Variants in SGCD observed in about 807,000 individuals in gnomAD.
The protein encoded by SGCD is sarcoglycan delta.
A neutral mutation model predicts 36.6 loss-of-function variants in SGCD; 18 were observed. The observed-to-expected ratio is 0.49, with a 90% CI of 0.34 to 0.73. SGCD has a LOEUF of 0.73. Ranked by LOEUF, SGCD falls within the 30% of genes least tolerant of loss-of-function variation. The pLI is 0.01. For missense variants in SGCD, 387 were observed against 346.7 expected, an observed-to-expected ratio of 1.12 and a Z score of -0.92; for synonymous variants, 133 against 130.6, an observed-to-expected ratio of 1.02 and a Z score of -0.12.
intron 1 of SGCD, among the ~76,000 whole-genome samples, chr5:156,032,501 A>G (rs537489822): frequency 6.6e-6 from 1 of 151,592 alleles, no homozygotes; most frequent in Non-Finnish European, 1.5e-5. Flanking sequence ...GGCAGATCAC[A>G]AGGTCAGGAG....
intron 3 of SGCD, among the ~76,000 whole-genome samples, chr5:156,294,062 C>T (rs1380156397): frequency 6.6e-6 from 1 of 152,034 alleles, no homozygotes; most frequent in Non-Finnish European, 1.5e-5. Context: ...TTGGTTAAAT[C>T]ATTTTGAAGT....
chr5:156,379,156 C>T lies in SGCD; in HGVS notation c.192+34479C>T, dbSNP rs552720945. Among the ~76,000 whole-genome samples the T allele has an allele frequency of 7.2e-5, 11 of 152,234 alleles. No individual in the cohort carries two copies. The South Asian group carries it at 2.1e-3, about 29-fold the overall frequency. ...AAAATAAAAAATATCTGCCATAAAG[C>T]TTGCATTCTAATGTGGAATCTGACA... On this transcript the variant is annotated intron_variant, in intron 3 of 8. Transcript: ENST00000337851.
the SGCD span, among the ~76,000 whole-genome samples, chr5:155,745,376 C>T: frequency 4.6e-5 from 7 of 152,070 alleles, no homozygotes; most frequent in African/African-American, 1.7e-4. Flanking sequence ...AAGCAGGTAG[C>T]TAATCAAATG....
chr5:156,198,709 G>A (rs936099446), intron 3 of SGCD, among the ~76,000 whole-genome samples: 2 of 152,114 alleles, frequency 1.3e-5, no homozygotes, highest in Admixed American at 6.6e-5. Context: ...GATATGGACA[G>A]TGCCAGGAAA....
chr5:156,684,489 A>G (rs1356403199), intron 7 of SGCD, among the ~76,000 whole-genome samples: 1 of 152,194 alleles, frequency 6.6e-6, no homozygotes, highest in East Asian at 1.9e-4. Flanking sequence ...TGGCCTTTGA[A>G]CAGTCCTCTG....
chr5:155,781,231 T>A, the SGCD span, among the ~76,000 whole-genome samples: 1 of 152,168 alleles, frequency 6.6e-6, no homozygotes, highest in Non-Finnish European at 1.5e-5. Flanking sequence ...TGCTATGTTT[T>A]TGTTGAAGAT....
chr5:155,730,475 G>GTGTGTGTGTGTGTGTGTGTGTGTGTGT, the SGCD span, among the ~76,000 whole-genome samples: 3 of 151,202 alleles, frequency 2.0e-5, no homozygotes, highest in South Asian at 2.1e-4. Flanking sequence ...GTGTGTGTGT[G>GTGTGTGTGTGTGTGTGTGTGTGTGTGT]GCGAGGGGAA....
chr5:156,139,011 A>G (rs903034665), intron 3 of SGCD, among the ~76,000 whole-genome samples: 2 of 152,124 alleles, frequency 1.3e-5, no homozygotes, highest in Non-Finnish European at 2.9e-5. Flanking sequence ...CTTTTGCCCA[A>G]TTTTTATTGG....
chr5:155,979,325 T>C (rs1378105021), intron 1 of SGCD, among the ~76,000 whole-genome samples: 1 of 152,196 alleles, frequency 6.6e-6, no homozygotes, highest in Non-Finnish European at 1.5e-5. Context: ...GGGAACACAG[T>C]GCCTGGCACA....
intron 4 of SGCD, among the ~76,000 whole-genome samples, chr5:156,578,675 C>A (rs1302847994): frequency 6.6e-6 from 1 of 152,200 alleles, no homozygotes; most frequent in Non-Finnish European, 1.5e-5. Context: ...TTATCCACTT[C>A]TTCTAGATTT....
intron 3 of SGCD, among the ~76,000 whole-genome samples, chr5:156,129,816 G>C (rs1762267803): frequency 6.6e-6 from 1 of 152,144 alleles, no homozygotes; most frequent in African/African-American, 2.4e-5. Flanking sequence ...CATTAAACAT[G>C]ATGTTGTTCT....
intron 3 of SGCD, among the ~76,000 whole-genome samples, chr5:156,197,554 G>T (rs1455660600): frequency 6.7e-6 from 1 of 148,400 alleles, no homozygotes; most frequent in East Asian, 2.1e-4. Flanking sequence ...AAGTAAAAGT[G>T]ATTAATAACA....
chr5:155,822,400 G>T, the SGCD span, among the ~76,000 whole-genome samples: 2 of 152,154 alleles, frequency 1.3e-5, no homozygotes, highest in Non-Finnish European at 2.9e-5. Context: ...CTGGATGCAG[G>T]CTGCTCACCT....
At chr5:155,987,968 C>T (rs1758363003) in intron 1 of SGCD, among the ~76,000 whole-genome samples, 1 of 152,152 alleles carries the variant, frequency 6.6e-6, no homozygotes, top group Admixed American at 6.6e-5. Context: ...ATCAAAACTG[C>T]ACTCTCACTT....
chr5:156,042,652 A>G (rs1282320294), intron 1 of SGCD, among the ~76,000 whole-genome samples: 1 of 152,094 alleles, frequency 6.6e-6, no homozygotes, highest in East Asian at 1.9e-4. Context: ...GTTGTGGAAA[A>G]TGGTTCATTT....
At chr5:156,350,217 T>C (rs1298130015) in intron 3 of SGCD, among the ~76,000 whole-genome samples, 1 of 113,840 alleles carries the variant, frequency 8.8e-6, no homozygotes, top group Non-Finnish European at 2.0e-5. Context: ...AAAAACCACT[T>C]GTATCTCTAA....
At chr5:156,499,369 G>A (rs1400816574) in intron 3 of SGCD, among the ~76,000 whole-genome samples, 1 of 152,136 alleles carries the variant, frequency 6.6e-6, no homozygotes, top group East Asian at 1.9e-4. Flanking sequence ...TATAGGCAAT[G>A]TACTGAGCCC....
At chr5:156,444,115 T>TCTCTCTCC in intron 3 of SGCD, among the ~76,000 whole-genome samples, 1 of 72,834 alleles carries the variant, frequency 1.4e-5, no homozygotes, top group South Asian at 5.5e-4. Flanking sequence ...TCTCTCTCTC[T>TCTCTCTCC]CCCCTTCCCT....
intron 6 of SGCD, among the ~76,000 whole-genome samples, chr5:156,604,839 CAT>C (rs1426369302): frequency 8.2e-6 from 1 of 122,270 alleles, no homozygotes; most frequent in Non-Finnish European, 1.7e-5. Flanking sequence ...AATATTCACA[CAT>C]ATATACATAT....
Sources: allele counts gnomAD v4.1 joint callset (sites outside exome capture counted in the v4.1 genomes callset), GRCh38; gene constraint gnomAD v4.1.1; transcripts MANE v1.5; gene names NCBI Gene and HGNC (gene_info 2026-07-23, HGNC 2026-07-21).